The following FRMPD1 variants were observed in gnomAD, a reference collection of about 807,000 sequenced individuals.
FRMPD1 encodes FERM and PDZ domain-containing protein 1.
A neutral mutation model predicts 117.8 loss-of-function variants in FRMPD1; 76 were observed. The observed-to-expected ratio is 0.65, with a 90% CI of 0.54 to 0.78. The LOEUF is 0.78. Ranked by LOEUF, FRMPD1 falls within the 30% of genes least tolerant of loss-of-function variation. The probability of loss-of-function intolerance (pLI) is 0.00; values close to 1 mark genes in which losing one functional copy is unlikely to be tolerated. For synonymous variants in FRMPD1, 783 were observed against 770.4 expected, an observed-to-expected ratio of 1.02 and a Z score of -0.27; for missense variants, 1,786 against 1,964.5, an observed-to-expected ratio of 0.91 and a Z score of 1.72.
At chr9:37,709,209 A>G (rs2118163296) in intron 4 of FRMPD1, among the ~76,000 whole-genome samples, 1 of 152,252 alleles carries the variant, frequency 6.6e-6, no homozygotes, top group African/African-American at 2.4e-5. Flanking sequence ...TTTTCACTCA[A>G]CATTGTTCTA....
chr9:37,727,443 G>A (rs1823661542), intron 7 of FRMPD1, among the ~76,000 whole-genome samples: 1 of 152,130 alleles, frequency 6.6e-6, no homozygotes, highest in Non-Finnish European at 1.5e-5. Flanking sequence ...TGCTCCACAG[G>A]CTACAGTTTG....
At chr9:37,616,633 A>T in the FRMPD1 span, among the ~76,000 whole-genome samples, 1 of 152,130 alleles carries the variant, frequency 6.6e-6, no homozygotes, top group Non-Finnish European at 1.5e-5. Context: ...CTGTTGTTAG[A>T]TTTACCCACT....
chr9:37,745,881 CAGCTCT>C lies in FRMPD1; in HGVS notation c.3853_3858del (p.Ser1285_Ser1286del). 6.2e-7 allele frequency: 1 copy of C among 1,614,240 alleles called. No homozygotes were observed. Among genetic ancestry groups the C allele is most frequent in the Non-Finnish European group, 8.5e-7 (1 of 1,180,044 alleles). On this transcript the variant is annotated inframe_deletion, in exon 16 of 16. Transcript: ENST00000377765. ...GCTTACTCTCAGAAGGCAAAAGTGA[CAGCTCT>C]AGCATCTGCCTTTCTGCTGAGAAGT...
At chr9:37,615,903 C>A in the FRMPD1 span, among the ~76,000 whole-genome samples, 1 of 151,938 alleles carries the variant, frequency 6.6e-6, no homozygotes, top group Admixed American at 6.6e-5. Flanking sequence ...ACCTCCGTCT[C>A]CTGGATTCAA....
At chr9:37,637,964 C>CTTTTTTTT in the FRMPD1 span, among the ~76,000 whole-genome samples, 9 of 32,086 alleles carry the variant, frequency 2.8e-4, no homozygotes, top group Admixed American at 1.9e-3. Context: ...ATGGTGTATG[C>CTTTTTTTT]TTTCTTTCTT....
chr9:37,658,583 A>T (rs1406550288), intron 1 of FRMPD1, among the ~76,000 whole-genome samples: 1 of 152,090 alleles, frequency 6.6e-6, no homozygotes, highest in Non-Finnish European at 1.5e-5. Flanking sequence ...TCTAAGGGGA[A>T]TCCTTCCTTT....
chr9:37,619,649 T>C, the FRMPD1 span, among the ~76,000 whole-genome samples: 1 of 151,774 alleles, frequency 6.6e-6, no homozygotes, highest in South Asian at 2.1e-4. Flanking sequence ...TCCCAGCTAC[T>C]TGGGAGGCTG....
At chr9:37,688,710 AT>A (rs1822033119) in intron 1 of FRMPD1, among the ~76,000 whole-genome samples, 1 of 152,120 alleles carries the variant, frequency 6.6e-6, no homozygotes, top group Non-Finnish European at 1.5e-5. Context: ...CCATATAACC[AT>A]TTTAAATGAT....
Position 37,746,069 on chromosome 9 carries a change from G to A in FRMPD1, c.4037G>A (p.Gly1346Asp). Reference sequence around the variant, plus strand: ...TTCTCCTATGCCACATGCTTCCGTGGCCCGCAGCCTGAGACAGAGGAAGAA... The same window carrying A: ...TTCTCCTATGCCACATGCTTCCGTGACCCGCAGCCTGAGACAGAGGAAGAA... Reference protein sequence around the residue: ...CQFSYATCFRGPQPETEEEDR... With the variant: ...CQFSYATCFRDPQPETEEEDR... Residue 1346 changes from glycine to aspartate, a missense_variant, in exon 16 of 16, where the codon GGC becomes GAC. Gly to Asp is a moderately conservative substitution (Grantham distance 94, BLOSUM62 -1). Transcript: ENST00000377765. 6.2e-7 allele frequency: 1 copy of A among 1,614,232 alleles called. No individual in the cohort carries two copies.
At chr9:37,708,320 C>A in intron 3 of FRMPD1, 79 bp from the exon 4 acceptor site, 1 of 828,992 alleles carries the variant, frequency 1.2e-6, no homozygotes, top group South Asian at 1.5e-5. Context: ...ATCAGGGTGC[C>A]ATTTAACTGT....
At chr9:37,733,875 A>G (rs1824005571) in intron 12 of FRMPD1, 50 bp downstream of exon 12, 2 of 999,398 alleles carry the variant, frequency 2.0e-6, no homozygotes, top group Non-Finnish European at 3.2e-6. Context: ...GACCTTAGAG[A>G]TCCTCTGAAA....
At chr9:37,736,982 G>T in intron 13 of FRMPD1, 114 bp from the exon 14 acceptor site, 1 of 775,032 alleles carries the variant, frequency 1.3e-6, no homozygotes, top group Non-Finnish European at 2.2e-6. Flanking sequence ...ACCTACCTGT[G>T]GACCATGGCC....
Position 37,708,437 on chromosome 9 carries a change from A to G in FRMPD1, c.298A>G (p.Ile100Val). ...AHGKLFPGDQ[I>V]LQMNNEPAED... ...CGGCAAGCTTTTCCCTGGTGATCAG[A>G]TCCTCCAAATGAACAATGAGCCTGC... Residue 100 changes from isoleucine to valine, a missense_variant, in exon 4 of 16, where the codon ATC becomes GTC. Transcript: ENST00000377765. 6.2e-7 allele frequency: 1 copy of G among 1,613,640 alleles called. No homozygotes were observed. The highest frequency in any genetic ancestry group is 1.3e-5 in the African/African-American group (1 of 75,048).
the FRMPD1 span, among the ~76,000 whole-genome samples, chr9:37,626,427 C>T: frequency 6.7e-6 from 1 of 149,270 alleles, no homozygotes; most frequent in East Asian, 2.0e-4. Context: ...ATTGCTTTAA[C>T]CTGGGAAGCA....
At chr9:37,617,581 G>C in the FRMPD1 span, among the ~76,000 whole-genome samples, 1 of 152,200 alleles carries the variant, frequency 6.6e-6, no homozygotes, top group Non-Finnish European at 1.5e-5. Context: ...ATTATCTTTT[G>C]ATTAAATTGA....
rs1563961780 is a variant in FRMPD1 at position 37,740,342 on chromosome 9, CGAGT to C, written c.1819_1822del (p.Glu607ProfsTer10). The C allele has an allele frequency of 1.2e-6, 2 of 1,613,668 alleles. No homozygotes were observed. Among genetic ancestry groups the C allele is most frequent in the Non-Finnish European group, 1.7e-6 (2 of 1,180,000 alleles). On this transcript the variant is annotated frameshift_variant, in exon 15 of 16. Coordinates refer to ENST00000377765, the MANE Select transcript of FRMPD1 (RefSeq NM_014907.3). LOFTEE classifies it high-confidence loss of function. This position sits in a 1 kb window ranked among gnomAD's most constrained non-coding sequence, Gnocchi z 4.2. ...AGCCGCGGCTACAGGACCAGTGGCTCGAGTGAGTCCATGGACGCTCTGGAAGAGG... is the reference window on the plus strand; with the variant it reads ...AGCCGCGGCTACAGGACCAGTGGCTCGAGTCCATGGACGCTCTGGAAGAGG...
At chr9:37,700,408 C>T (rs1010981278) in intron 2 of FRMPD1, among the ~76,000 whole-genome samples, 3 of 152,152 alleles carry the variant, frequency 2.0e-5, no homozygotes, top group African/African-American at 7.2e-5. Context: ...ATCGTCTTTA[C>T]GTTATGAAAT....
At chr9:37,699,873 A>G (rs1223791500) in intron 2 of FRMPD1, among the ~76,000 whole-genome samples, 1 of 152,168 alleles carries the variant, frequency 6.6e-6, no homozygotes, top group East Asian at 1.9e-4. Flanking sequence ...GTATGCACAC[A>G]GGCACACACA....
At chr9:37,738,615 A>G (rs1824242309) in intron 14 of FRMPD1, among the ~76,000 whole-genome samples, 1 of 152,182 alleles carries the variant, frequency 6.6e-6, no homozygotes, top group Admixed American at 6.5e-5. Flanking sequence ...CTGAGATTAC[A>G]GGCATGAGCC....
Sources: gnomAD v4.1 joint callset for allele counts (sites outside exome capture counted in the v4.1 genomes callset) on GRCh38, gnomAD v4.1.1 for gene constraint, Gnocchi (gnomAD v3.1) non-coding constraint, MANE v1.5 for transcripts, NCBI Gene and HGNC (gene_info 2026-07-23, HGNC 2026-07-21) for gene names.